Variants in NCOA2 observed in about 807,000 individuals in gnomAD.
NCOA2 encodes class E basic helix-loop-helix protein 75.
In NCOA2, 21 loss-of-function variants were observed where a neutral mutation model predicts 145.1. That is an observed-to-expected ratio of 0.14 (90% CI 0.10 to 0.21). The LOEUF (loss-of-function observed/expected upper bound fraction) is 0.21, where lower values mean the gene tolerates loss of function less well. NCOA2 is among the 10% of genes least tolerant of loss of function. NCOA2 has a pLI of 1.00. For missense variants in NCOA2, 1,472 were observed against 1,837.6 expected (o/e 0.80, Z 3.64); for synonymous variants, 619 against 637.5 (o/e 0.97, Z 0.44).
intron 1 of NCOA2, among the ~76,000 whole-genome samples, chr8:70,363,342 C>T (rs1810390990): frequency 1.3e-5 from 2 of 150,488 alleles, no homozygotes; most frequent in Admixed American, 1.3e-4. Context: ...GAGATCACGC[C>T]ACTGCATTCC....
intron 2 of NCOA2, among the ~76,000 whole-genome samples, chr8:70,246,845 A>G (rs951159625): frequency 2.0e-5 from 3 of 151,310 alleles, no homozygotes; most frequent in African/African-American, 7.3e-5. Flanking sequence ...TTCATGGATT[A>G]TTTTAATACC....
In NCOA2 at chr8:70,385,275, T is replaced by G. The variant is rs971795404; in HGVS notation, c.-77+18425A>C. ...TCAAATACCTATCACTGCAGGTGATTCAAAGTGACAATAACAACAGCGAAC... is the reference window on the plus strand; with the variant it reads ...TCAAATACCTATCACTGCAGGTGATGCAAAGTGACAATAACAACAGCGAAC... On this transcript the variant is annotated intron_variant, in intron 1 of 22. Transcript: ENST00000452400. Among the ~76,000 whole-genome samples, 24 of 152,154 alleles carry G rather than the reference T, an allele frequency of 1.6e-4. 1 individual carries two copies. Among genetic ancestry groups the G allele is most frequent in the Admixed American group, 6.5e-5 (1 of 15,278 alleles).
chr8:70,281,830 T>C (rs1022842211), intron 2 of NCOA2, among the ~76,000 whole-genome samples: 1 of 152,202 alleles, frequency 6.6e-6, no homozygotes, highest in Admixed American at 6.5e-5. Flanking sequence ...ACAAAGCCAC[T>C]ATTAATCAGA....
chr8:70,235,736 C>T (rs1243294880), intron 2 of NCOA2, among the ~76,000 whole-genome samples: 9 of 152,092 alleles, frequency 5.9e-5, no homozygotes, highest in African/African-American at 1.2e-4. Context: ...GTCAGCTACT[C>T]GGGAGGCTGA....
intron 1 of NCOA2, among the ~76,000 whole-genome samples, chr8:70,347,678 C>G (rs1008305961): frequency 1.3e-5 from 2 of 151,852 alleles, no homozygotes; most frequent in Non-Finnish European, 2.9e-5. Context: ...TTTAGATATC[C>G]AGAACAAGTG....
chr8:70,217,445 C>CA (rs1819731028), intron 2 of NCOA2, among the ~76,000 whole-genome samples: 1 of 152,214 alleles, frequency 6.6e-6, no homozygotes, highest in East Asian at 1.9e-4. Flanking sequence ...CTGCACACAG[C>CA]ATGGTCACTT....
intron 1 of NCOA2, among the ~76,000 whole-genome samples, chr8:70,313,258 T>G (rs1805275617): frequency 6.6e-6 from 1 of 152,210 alleles, no homozygotes. Flanking sequence ...ACTAGATATA[T>G]CTATTTATTC....
At chr8:70,348,604 T>C (rs1238779908) in intron 1 of NCOA2, among the ~76,000 whole-genome samples, 2 of 152,140 alleles carry the variant, frequency 1.3e-5, no homozygotes, top group Non-Finnish European at 2.9e-5. Context: ...AGGGAGGTCA[T>C]GTATACATAT....
chr8:70,416,640 A>C, the NCOA2 span, among the ~76,000 whole-genome samples: 57 of 152,350 alleles, frequency 3.7e-4, no homozygotes, highest in Non-Finnish European at 7.8e-4. Flanking sequence ...GTAATTTATA[A>C]TGAAGAGAAA....
At chr8:70,247,248 G>A (rs1822710446) in intron 2 of NCOA2, among the ~76,000 whole-genome samples, 1 of 152,024 alleles carries the variant, frequency 6.6e-6, no homozygotes, top group Admixed American at 6.6e-5. Context: ...AAAGACCTGA[G>A]CAAAGAAATT....
intron 2 of NCOA2, among the ~76,000 whole-genome samples, chr8:70,231,716 C>T (rs1185897992): frequency 7.2e-5 from 11 of 152,322 alleles, no homozygotes; most frequent in Admixed American, 1.3e-4. Flanking sequence ...CTGCTGTCCT[C>T]TCATTACACG....
At chr8:70,297,979 G>A (rs948389541) in intron 1 of NCOA2, among the ~76,000 whole-genome samples, 6 of 151,974 alleles carry the variant, frequency 3.9e-5, no homozygotes, top group African/African-American at 1.2e-4. Flanking sequence ...TACTAGTAAC[G>A]ATACTGAAAA....
At chr8:70,226,957 T>C (rs1388448620) in intron 2 of NCOA2, among the ~76,000 whole-genome samples, 1 of 151,656 alleles carries the variant, frequency 6.6e-6, no homozygotes, top group Non-Finnish European at 1.5e-5. Flanking sequence ...TTACGCAGGC[T>C]TCACAGATTC....
At chr8:70,415,520 G>A in the NCOA2 span, among the ~76,000 whole-genome samples, 2 of 152,280 alleles carry the variant, frequency 1.3e-5, no homozygotes, top group Admixed American at 1.3e-4. Context: ...AATGAATGAA[G>A]GGGTTGCAGA....
the NCOA2 span, among the ~76,000 whole-genome samples, chr8:70,437,625 A>G: frequency 6.6e-6 from 1 of 152,206 alleles, no homozygotes; most frequent in African/African-American, 2.4e-5. Context: ...TGCATAAGAC[A>G]ATACATTCAT....
At chr8:70,407,788 C>G (rs961244664), upstream of NCOA2, among the ~76,000 whole-genome samples, 2 of 152,070 alleles carry the variant, frequency 1.3e-5, no homozygotes, top group Admixed American at 1.3e-4. Flanking sequence ...GAGCAAGACT[C>G]TGTCTCCTAG....
intron 15 of NCOA2, 69 bp from the exon 16 acceptor site, chr8:70,132,071 T>G (rs1809183588): frequency 1.4e-6 from 2 of 1,476,908 alleles, no homozygotes; most frequent in Non-Finnish European, 1.8e-6. Context: ...ATTCTTTATC[T>G]CAAAGGTGAA....
chr8:70,251,903 A>G (rs1823213125), intron 2 of NCOA2, among the ~76,000 whole-genome samples: 2 of 152,198 alleles, frequency 1.3e-5, no homozygotes, highest in Admixed American at 6.5e-5. Flanking sequence ...GTCATTCCCT[A>G]TATCCACAGG....
rs188605152 is a variant in NCOA2, at chr8:70,307,716, C to A, written c.-76-10916G>T. Among the ~76,000 whole-genome samples, 130 of 152,286 alleles carry A rather than the reference C, an allele frequency of 8.5e-4. 1 individual carries two copies. The highest frequency in any genetic ancestry group is 3.0e-3 in the African/African-American group (126 of 41,562). Reference sequence around the variant, plus strand: ...AATTCATGTGGAGTATTTGAAACATCTTCACACAGCTACTAGCAGTACATG... The same window carrying A: ...AATTCATGTGGAGTATTTGAAACATATTCACACAGCTACTAGCAGTACATG... On this transcript the variant is annotated intron_variant, in intron 1 of 22. Coordinates refer to ENST00000452400, the MANE Select transcript of NCOA2 (RefSeq NM_006540.4).
Sources: gnomAD v4.1 joint callset for allele counts (sites outside exome capture counted in the v4.1 genomes callset) on GRCh38, gnomAD v4.1.1 for gene constraint, MANE v1.5 for transcripts, NCBI Gene and HGNC (gene_info 2026-07-23, HGNC 2026-07-21) for gene names.